Variants in VPS4B observed in about 807,000 individuals in gnomAD.
VPS4B encodes vacuolar protein sorting 4 homolog B.
Under a neutral mutation model 56.1 loss-of-function variants are expected in VPS4B, and 23 were observed. The ratio of observed to expected loss-of-function variants is 0.41; its 90% confidence interval spans 0.30 to 0.58. The LOEUF is 0.58. Ranked by LOEUF, VPS4B falls within the 20% of genes least tolerant of loss-of-function variation. The probability of loss-of-function intolerance (pLI) is 0.29; values close to 1 mark genes in which losing one functional copy is unlikely to be tolerated. For missense variants in VPS4B, 372 were observed against 531.9 expected (o/e 0.70, Z 2.96); for synonymous variants, 177 against 186.0 (o/e 0.95, Z 0.39).
intron 4 of VPS4B, among the ~76,000 whole-genome samples, chr18:63,406,159 G>A (rs1265787698): frequency 6.6e-6 from 1 of 152,204 alleles, no homozygotes; most frequent in East Asian, 1.9e-4. Flanking sequence ...GACCCACTGG[G>A]TTACCCAATA....
intron 3 of VPS4B, among the ~76,000 whole-genome samples, chr18:63,408,186 C>T (rs929994316): frequency 1.3e-5 from 2 of 152,034 alleles, no homozygotes; most frequent in South Asian, 2.1e-4. Context: ...AACATTTAAA[C>T]GTGATGTAGA....
chr18:63,397,163 G>C lies in VPS4B; in HGVS notation c.963C>G (p.Leu321=), dbSNP rs781217222. 6.2e-7 allele frequency: 1 copy of C among 1,614,186 alleles called. No individual in the cohort carries two copies. The highest frequency in any genetic ancestry group is 8.5e-7 in the Non-Finnish European group (1 of 1,180,038). The change falls in exon 9 of 11, where the codon CTC becomes CTG. Residue 321 remains leucine (L), a synonymous_variant. Transcript: ENST00000238497. ...CAAGTTCCCGAAAGTCTGCTTCCGTGAGACTGTTCTGAGTGGTCCCTAGGT... is the reference window on the plus strand; with the variant it reads ...CAAGTTCCCGAAAGTCTGCTTCCGTCAGACTGTTCTGAGTGGTCCCTAGGT... ...KLHLGTTQNS[L]TEADFRELGR...
chr18:63,393,360 A>C, intron 10 of VPS4B, 49 bp downstream of exon 10: 1 of 1,472,214 alleles, frequency 6.8e-7, no homozygotes, highest in African/African-American at 1.4e-5. Flanking sequence ...GAAAATTATG[A>C]AGTATAATGT....
At chr18:63,417,179 C>A (rs574318441) in intron 1 of VPS4B, among the ~76,000 whole-genome samples, 256 of 152,296 alleles carry the variant, frequency 1.7e-3, no homozygotes, top group African/African-American at 5.7e-3. Flanking sequence ...TTTCTCTCCA[C>A]TAGATATTTC....
At chr18:63,413,566 A>G (rs1916094949) in intron 1 of VPS4B, among the ~76,000 whole-genome samples, 1 of 151,922 alleles carries the variant, frequency 6.6e-6, no homozygotes, top group Non-Finnish European at 1.5e-5. Context: ...AATTATGCAC[A>G]GATACATACA....
chr18:63,410,845 T>C (rs1916025174), intron 2 of VPS4B, among the ~76,000 whole-genome samples: 1 of 152,232 alleles, frequency 6.6e-6, no homozygotes, highest in Admixed American at 6.5e-5. Flanking sequence ...TATGAATGTC[T>C]ACAAAAGCTT....
chr18:63,422,146 T>G, intron 1 of VPS4B, 87 bp downstream of exon 1: 4 of 1,350,144 alleles, frequency 3.0e-6, no homozygotes, highest in Non-Finnish European at 9.7e-7. Flanking sequence ...GCGCGGCCGC[T>G]TCCTCCCTTC....
At chr18:63,406,252 G>A (rs1915914153) in intron 4 of VPS4B, among the ~76,000 whole-genome samples, 1 of 152,182 alleles carries the variant, frequency 6.6e-6, no homozygotes, top group African/African-American at 2.4e-5. Context: ...TCAAGATTTT[G>A]CCCTTGGACT....
At chr18:63,419,618 C>T (rs117186273) in intron 1 of VPS4B, among the ~76,000 whole-genome samples, 1 of 82,744 alleles carries the variant, frequency 1.2e-5, no homozygotes, top group Non-Finnish European at 3.0e-5. Context: ...AATGTGGTTT[C>T]TCTCTCTCAA....
intron 5 of VPS4B, among the ~76,000 whole-genome samples, chr18:63,401,630 G>A (rs1180609597): frequency 1.3e-5 from 2 of 152,062 alleles, no homozygotes; most frequent in African/African-American, 4.8e-5. Context: ...TTTTGCTAAT[G>A]AGCAATTATA....
intron 8 of VPS4B, among the ~76,000 whole-genome samples, chr18:63,398,204 C>CACACACACACATAT (rs1298374245): frequency 9.8e-5 from 11 of 112,496 alleles, no homozygotes; most frequent in African/African-American, 3.6e-4. Context: ...CACACACACA[C>CACACACACACATAT]ATATATATAT....
At chr18:63,404,745 T>C (rs949666506) in intron 4 of VPS4B, 1 of 152,236 alleles carries the variant, frequency 6.6e-6, no homozygotes, top group African/African-American at 2.4e-5. Context: ...CCACCACTTA[T>C]ACAATCTATT....
At chr18:63,399,800 AT>A (rs2144417287) in intron 7 of VPS4B, among the ~76,000 whole-genome samples, 1 of 150,974 alleles carries the variant, frequency 6.6e-6, no homozygotes, top group Non-Finnish European at 1.5e-5. Context: ...TTCTGCTTGA[AT>A]TTTTCATTAC....
intron 1 of VPS4B, among the ~76,000 whole-genome samples, chr18:63,414,891 A>C (rs993921768): frequency 2.6e-5 from 4 of 152,240 alleles, no homozygotes; most frequent in Non-Finnish European, 5.9e-5. Context: ...CTTATACTGC[A>C]GTGGGTATTA....
At chr18:63,411,316 TA>T in intron 2 of VPS4B, 150 bp downstream of exon 2, 3 of 537,926 alleles carry the variant, frequency 5.6e-6, no homozygotes, top group Non-Finnish European at 9.0e-6. Context: ...TCTCAATACT[TA>T]AAAATCACTA....
At chr18:63,420,725 T>C (rs910613584) in intron 1 of VPS4B, among the ~76,000 whole-genome samples, 1 of 152,100 alleles carries the variant, frequency 6.6e-6, no homozygotes, top group African/African-American at 2.4e-5. Context: ...TGCTGAATCT[T>C]AGTTTAATAC....
intron 1 of VPS4B, chr18:63,416,309 G>T: frequency 5.2e-6 from 1 of 191,578 alleles, no homozygotes; most frequent in Non-Finnish European, 1.1e-5. Flanking sequence ...GTGAACTTTT[G>T]CATTGAGTTC....
At position 63,403,796 on chromosome 18, in the gene VPS4B, T is replaced by C. The variant is rs770792561; in HGVS notation, c.395A>G (p.Lys132Arg). ...GAIVIERPNVKWSDVAGLEGA... is the reference protein window; with the variant it reads ...GAIVIERPNVRWSDVAGLEGA... ...TTCAAGTCCAGCAACGTCACTCCATTTCACATTTGGTCGTTCTATAACAAT... is the reference window on the plus strand; with the variant it reads ...TTCAAGTCCAGCAACGTCACTCCATCTCACATTTGGTCGTTCTATAACAAT... Residue 132 changes from lysine (K) to arginine (R), a missense_variant, in exon 5 of 11, where the codon AAA becomes AGA. By Grantham distance (26) the Lys-to-Arg change is conservative. Transcript: ENST00000238497. 6.2e-6 allele frequency: 10 copies of C among 1,612,932 alleles called. No individual in the cohort carries two copies. Among genetic ancestry groups the C allele is most frequent in the Non-Finnish European group, 8.5e-6 (10 of 1,179,468 alleles).
intron 3 of VPS4B, among the ~76,000 whole-genome samples, 192 bp downstream of exon 3, chr18:63,410,097 CG>C (rs1476858297): frequency 6.6e-6 from 1 of 152,114 alleles, no homozygotes; most frequent in Non-Finnish European, 1.5e-5. Flanking sequence ...TGTTACGGCA[CG>C]AAAGCAGCCC....
Sources: allele counts gnomAD v4.1 joint callset (sites outside exome capture counted in the v4.1 genomes callset), GRCh38; gene constraint gnomAD v4.1.1; transcripts MANE v1.5; gene names NCBI Gene and HGNC (gene_info 2026-07-23, HGNC 2026-07-21).